The following ESCO2 variants were observed in gnomAD, a reference collection of about 807,000 sequenced individuals.
ESCO2 encodes the protein N-acetyltransferase ESCO2.
A neutral mutation model predicts 61.7 loss-of-function variants in ESCO2; 51 were observed. That is an observed-to-expected ratio of 0.83 (90% CI 0.66 to 1.04). ESCO2 has a LOEUF of 1.04. Ranked by LOEUF, ESCO2 falls within the 50% of genes least tolerant of loss-of-function variation. The probability of loss-of-function intolerance (pLI) is 0.00; values close to 1 mark genes in which losing one functional copy is unlikely to be tolerated. For missense variants in ESCO2, 692 were observed against 686.2 expected (o/e 1.01, Z -0.09); for synonymous variants, 230 against 238.2 (o/e 0.97, Z 0.32).
At chr8:27,775,369 C>A in intron 1 of ESCO2, 130 bp from the exon 2 acceptor site, 1 of 782,348 alleles carries the variant, frequency 1.3e-6, no homozygotes, top group East Asian at 2.5e-5. Context: ...GGAAGGAGAG[C>A]AATGTCGAGG....
downstream of ESCO2, chr8:27,810,260 A>T: frequency 1.5e-6 from 2 of 1,297,724 alleles, no homozygotes; most frequent in Non-Finnish European, 2.2e-6. Flanking sequence ...AATATTTTGG[A>T]ATAAACAGTT....
intron 9 of ESCO2, among the ~76,000 whole-genome samples, chr8:27,794,963 C>G (rs1411942668): frequency 2.0e-5 from 3 of 152,074 alleles, no homozygotes; most frequent in African/African-American, 4.8e-5. Context: ...GTGCAGTGCC[C>G]CTCAGCTTTA....
intron 9 of ESCO2, among the ~76,000 whole-genome samples, chr8:27,797,607 T>C (rs938078529): frequency 6.6e-6 from 1 of 152,246 alleles, no homozygotes; most frequent in East Asian, 1.9e-4. Context: ...TTTTGTTTTC[T>C]GGTTGTTTTA....
upstream of ESCO2, chr8:27,772,675 C>A: frequency 1.2e-6 from 1 of 803,684 alleles, no homozygotes; most frequent in South Asian, 1.8e-5. Flanking sequence ...CGGGGCGCGT[C>A]ATAACGCCGG....
downstream of ESCO2, among the ~76,000 whole-genome samples, chr8:27,816,245 A>G (rs1805808007): frequency 3.3e-5 from 5 of 151,752 alleles, no homozygotes; most frequent in Admixed American, 3.3e-4. Context: ...TGTCTGTCTC[A>G]TGTACTCTAT....
Position 27,774,626 on chromosome 8 carries a change from CGAGGCGGGGGGCTGTGGAAGGCT to C in ESCO2, c.-17+26_-17+48del, listed in dbSNP as rs1804742749. On this transcript the variant is annotated intron_variant, in intron 1 of 10. Coordinates refer to ENST00000305188, the MANE Select transcript of ESCO2 (RefSeq NM_001017420.3). ...GGCGCAGGTAACCTCTGGAGTAGGC[CGAGGCGGGGGGCTGTGGAAGGCT>C]GAGGCGAGCGGGAGACCCTGTGGAA... 1 of 152,118 alleles carries C rather than the reference CGAGGCGGGGGGCTGTGGAAGGCT, an allele frequency of 6.6e-6. No homozygotes were observed. Among genetic ancestry groups the C allele is most frequent in the South Asian group, 2.1e-4 (1 of 4,822 alleles). The allele number at this position is 152,118 out of a possible 1,614,324, so 9.4% of individuals were successfully genotyped here.
At chr8:27,786,219 A>G (rs1805037939) in intron 5 of ESCO2, among the ~76,000 whole-genome samples, 1 of 152,218 alleles carries the variant, frequency 6.6e-6, no homozygotes, top group Admixed American at 6.5e-5. Context: ...GAACGCAGAA[A>G]TGAAGACAAA....
At chr8:27,810,368 A>G (rs1805649109), downstream of ESCO2, 2 of 1,611,652 alleles carry the variant, frequency 1.2e-6, no homozygotes, top group Non-Finnish European at 1.7e-6. Flanking sequence ...TAGGGTCTTC[A>G]TTAGTGCATA....
At chr8:27,772,096 T>C, upstream of ESCO2, 1 of 200,584 alleles carries the variant, frequency 5.0e-6, no homozygotes, top group South Asian at 9.6e-5. Context: ...TAAGAAAAAG[T>C]TGTTAGCAGG....
At chr8:27,802,653 A>AT (rs1183778197) in intron 10 of ESCO2, among the ~76,000 whole-genome samples, 2 of 71,228 alleles carry the variant, frequency 2.8e-5, no homozygotes. Context: ...ATATATATAT[A>AT]TATTATATAT....
downstream of ESCO2, among the ~76,000 whole-genome samples, chr8:27,808,684 C>CAAAAAAAAA (rs34162059): frequency 2.8e-5 from 3 of 106,590 alleles, no homozygotes; most frequent in African/African-American, 3.7e-5. Context: ...GACCCTGTCT[C>CAAAAAAAAA]AAAAAAAAAA....
intron 9 of ESCO2, among the ~76,000 whole-genome samples, chr8:27,798,682 C>T (rs371768725): frequency 6.6e-6 from 1 of 152,278 alleles, no homozygotes; most frequent in East Asian, 1.9e-4. Flanking sequence ...TGGAATATTA[C>T]TTAGCTATAA....
downstream of ESCO2, chr8:27,811,070 C>G (rs17057901): frequency 3.7e-3 from 5,934 of 1,613,190 alleles, 201 homozygotes; most frequent in African/African-American, 0.069. Flanking sequence ...TAACACCATT[C>G]TCCTCCACAG....
chr8:27,803,025 G>A (rs777259291), intron 10 of ESCO2, among the ~76,000 whole-genome samples: 1 of 152,064 alleles, frequency 6.6e-6, no homozygotes, highest in Non-Finnish European at 1.5e-5. Flanking sequence ...GTGCCACTGC[G>A]CCTGGCCTAG....
downstream of ESCO2, chr8:27,810,435 G>C: frequency 5.6e-6 from 9 of 1,608,454 alleles, no homozygotes; most frequent in Non-Finnish European, 7.7e-6. Flanking sequence ...CATATTAATA[G>C]GTGGCCTAGT....
At chr8:27,807,769 T>C (rs1460630107), downstream of ESCO2, among the ~76,000 whole-genome samples, 1 of 152,170 alleles carries the variant, frequency 6.6e-6, no homozygotes, top group African/African-American at 2.4e-5. Context: ...TACCAAAAAT[T>C]GTATGTTGAA....
At position 27,804,556 on chromosome 8, in the gene ESCO2, A is replaced by G. The variant is rs1805521386; in HGVS notation, c.*1118A>G. 1 of 985,320 alleles carries G rather than the reference A, an allele frequency of 1.0e-6. No homozygotes were observed. Among genetic ancestry groups the G allele is most frequent in the Non-Finnish European group, 1.2e-6 (1 of 829,934 alleles). 61.0% of individuals were successfully genotyped at this position (985,320 alleles called of 1,614,324 possible). On this transcript the variant is annotated 3_prime_UTR_variant, in exon 11 of 11. Transcript: ENST00000305188. ...CACATTTTTCTAGTGTAATTCTTGG[A>G]TACTTTAAAAAGCAAAACATTGTTC... is the stretch of plus-strand genomic sequence containing the variant.
upstream of ESCO2, among the ~76,000 whole-genome samples, chr8:27,772,979 G>A (rs937352104): frequency 6.6e-6 from 1 of 152,078 alleles, no homozygotes; most frequent in East Asian, 1.9e-4. Flanking sequence ...ACTTTGTTCT[G>A]GCTTAAATCG....
intron 5 of ESCO2, among the ~76,000 whole-genome samples, chr8:27,785,699 C>CAA (rs567532485): frequency 0.091 from 9,006 of 98,486 alleles, 577 homozygotes; most frequent in African/African-American, 0.22. Flanking sequence ...GATTCCATCT[C>CAA]AAAAAAAAAA....
Sources: gnomAD v4.1 joint callset for allele counts (sites outside exome capture counted in the v4.1 genomes callset) on GRCh38, gnomAD v4.1.1 for gene constraint, MANE v1.5 for transcripts, NCBI Gene and HGNC (gene_info 2026-07-23, HGNC 2026-07-21) for gene names.